INPP5D: variants seen among roughly 807,000 people sequenced by gnomAD.
INPP5D encodes phosphatidylinositol 3,4,5-trisphosphate 5-phosphatase 1.
A neutral mutation model predicts 122.9 loss-of-function variants in INPP5D; 33 were observed. The observed-to-expected ratio is 0.27, with a 90% CI of 0.20 to 0.36. The LOEUF is 0.36. Ranked by LOEUF, INPP5D falls within the 10% of genes least tolerant of loss-of-function variation. The pLI, the probability that INPP5D is intolerant of heterozygous loss-of-function variation, is 1.00. For missense variants in INPP5D, 1,053 were observed against 1,412.7 expected, an observed-to-expected ratio of 0.75 and a Z score of 4.08; for synonymous variants, 584 against 576.2, an observed-to-expected ratio of 1.01 and a Z score of -0.19.
At chr2:233,101,215 T>A (rs1291094935) in intron 2 of INPP5D, among the ~76,000 whole-genome samples, 1 of 152,178 alleles carries the variant, frequency 6.6e-6, no homozygotes. Flanking sequence ...AGTGTTTGCC[T>A]ATTTCTACCG....
chr2:233,104,230 T>C (rs971255970), intron 2 of INPP5D, among the ~76,000 whole-genome samples: 11 of 152,006 alleles, frequency 7.2e-5, no homozygotes, highest in Middle Eastern at 3.4e-3. Context: ...AGGCTGGTCT[T>C]GAACTCTTAA....
intron 13 of INPP5D, among the ~76,000 whole-genome samples, chr2:233,167,020 T>G (rs1185713593): frequency 6.6e-6 from 1 of 151,264 alleles, no homozygotes; most frequent in African/African-American, 2.4e-5. Flanking sequence ...ACCAAGGCCT[T>G]TCTAAGAGTG....
intron 2 of INPP5D, among the ~76,000 whole-genome samples, chr2:233,097,540 C>T (rs1324892028): frequency 6.6e-6 from 1 of 152,130 alleles, no homozygotes; most frequent in Non-Finnish European, 1.5e-5. Flanking sequence ...CTTAAACCTG[C>T]TCTGTTACTG....
chr2:233,206,968 G>A lies in INPP5D; in HGVS notation c.*260G>A, dbSNP rs1186807129. 6.2e-6 allele frequency: 3 copies of A among 481,082 alleles called. No individual in the cohort carries two copies. Among genetic ancestry groups the A allele is most frequent in the Non-Finnish European group, 1.1e-5 (3 of 266,514 alleles). The allele number at this position is 481,082 out of a possible 1,614,324, so 29.8% of individuals were successfully genotyped here. ...GGTCCCCAGCTCGCTCTTGGTACTT[G>A]GGACCCCAGTGCCTCGTTGAGGGCG... On this transcript the variant is annotated 3_prime_UTR_variant, in exon 27 of 27. Transcript: ENST00000445964. This position sits in a 1 kb window ranked among gnomAD's most constrained non-coding sequence, Gnocchi z 4.0.
intron 23 of INPP5D, 125 bp downstream of exon 23, chr2:233,194,086 G>A: frequency 7.2e-7 from 1 of 1,398,374 alleles, no homozygotes; most frequent in Non-Finnish European, 9.4e-7. Flanking sequence ...ATCCAGCACT[G>A]GAAAAGATCT....
At chr2:233,199,188 A>C (rs530146070) in intron 25 of INPP5D, among the ~76,000 whole-genome samples, 30 of 151,810 alleles carry the variant, frequency 2.0e-4, no homozygotes, top group Admixed American at 5.9e-4. Context: ...CAGTGAGCCA[A>C]GATTGCACCA....
chr2:233,184,357 T>C (rs1694855604), intron 19 of INPP5D, 51 bp from the exon 20 acceptor site: 4 of 1,598,680 alleles, frequency 2.5e-6, no homozygotes, highest in Non-Finnish European at 2.6e-6. Flanking sequence ...TTTGAAATGC[T>C]CCATCTCCAG....
At chr2:233,152,507 TAAAC>T (rs1401939357) in intron 9 of INPP5D, among the ~76,000 whole-genome samples, 1 of 151,798 alleles carries the variant, frequency 6.6e-6, no homozygotes, top group Non-Finnish European at 1.5e-5. Flanking sequence ...AAGGAGAAAA[TAAAC>T]AAACACACAA....
intron 2 of INPP5D, among the ~76,000 whole-genome samples, chr2:233,096,626 T>G (rs532988239): frequency 1.6e-3 from 243 of 152,340 alleles, no homozygotes; most frequent in African/African-American, 5.7e-3. Flanking sequence ...CACTCCAGCC[T>G]GGGTGACAGA....
At chr2:233,198,740 C>T (rs1182161500) in intron 25 of INPP5D, among the ~76,000 whole-genome samples, 2 of 139,620 alleles carry the variant, frequency 1.4e-5, no homozygotes, top group African/African-American at 5.4e-5. Context: ...CACCTGAGAT[C>T]GGGAGTTCGA....
chr2:233,120,966 G>GT (rs919317441), intron 2 of INPP5D, among the ~76,000 whole-genome samples: 11 of 151,654 alleles, frequency 7.3e-5, no homozygotes, highest in African/African-American at 9.7e-5. Context: ...TTTTTCCTGT[G>GT]TTTTTTTTAA....
chr2:233,084,908 C>A (rs1264383139), intron 2 of INPP5D, among the ~76,000 whole-genome samples: 1 of 152,200 alleles, frequency 6.6e-6, no homozygotes, highest in South Asian at 2.1e-4. Flanking sequence ...CTTCTAGAAG[C>A]CTGCATTTTG....
At chr2:233,131,205 T>G in intron 5 of INPP5D, 1 of 794,370 alleles carries the variant, frequency 1.3e-6, no homozygotes, top group South Asian at 5.8e-5. Flanking sequence ...TGGTTTTACA[T>G]TTTAAAATTT....
At chr2:233,174,400 C>T (rs557731574) in intron 17 of INPP5D, among the ~76,000 whole-genome samples, 79 of 152,338 alleles carry the variant, frequency 5.2e-4, no homozygotes, top group Middle Eastern at 6.8e-3. Context: ...TGTAGGACCT[C>T]TGTCCTATAT....
intron 20 of INPP5D, 133 bp from the exon 21 acceptor site, chr2:233,185,710 G>A (rs1481264974): frequency 8.1e-6 from 8 of 982,162 alleles, no homozygotes; most frequent in African/African-American, 4.4e-5. Flanking sequence ...CTGAGGCCCC[G>A]AGATAAAAAA....
chr2:233,137,348 AT>A (rs200789544), intron 5 of INPP5D, among the ~76,000 whole-genome samples: 76 of 151,976 alleles, frequency 5.0e-4, no homozygotes, highest in African/African-American at 1.6e-3. Flanking sequence ...TTTAAAAATC[AT>A]TTTTAAAAAA....
At chr2:233,140,220 A>G (rs2106273475) in intron 6 of INPP5D, 1 of 199,640 alleles carries the variant, frequency 5.0e-6, no homozygotes, top group African/African-American at 2.3e-5. Context: ...TGTTCCCATC[A>G]TTTCTTATCA....
Position 233,204,562 on chromosome 2 carries a change from A to T in INPP5D, c.3412A>T (p.Thr1138Ser). 6 of 1,569,636 alleles carry T rather than the reference A, an allele frequency of 3.8e-6. No homozygotes were observed. Among genetic ancestry groups the T allele is most frequent in the Non-Finnish European group, 5.2e-6 (6 of 1,159,036 alleles). ...CAACCAGCAGACCCCGCCCACCCCGACGCCGCGGCCGCCGCTGCCAGTCAA... is the reference window on the plus strand; with the variant it reads ...CAACCAGCAGACCCCGCCCACCCCGTCGCCGCGGCCGCCGCTGCCAGTCAA... ...EINQQTPPTPTPRPPLPVKSP... is the reference protein window; with the variant it reads ...EINQQTPPTPSPRPPLPVKSP... The change falls in exon 26 of 27, where the codon ACG becomes TCG. Residue 1138 changes from threonine (T) to serine (S), a missense_variant. Physicochemically the swap from Thr to Ser is moderately conservative, Grantham distance 58. Around this residue, in one of 6 missense-constraint regions of INPP5D, gnomAD observed 417 missense variants for 425.8 expected, o/e 0.98. Transcript: ENST00000445964.
rs1378546239 is a variant in INPP5D at position 233,154,225 on chromosome 2, A to G, written c.1031-4088A>G. On this transcript the variant is annotated intron_variant, in intron 9 of 26. Transcript: ENST00000445964. ...GTGCAATGGCGCGATCTCAGCTCGCAGCAACCTCCACCTCCTGGGTTCAGG... is the reference window on the plus strand; with the variant it reads ...GTGCAATGGCGCGATCTCAGCTCGCGGCAACCTCCACCTCCTGGGTTCAGG... Among the ~76,000 whole-genome samples the G allele has an allele frequency of 7.9e-5, 12 of 152,268 alleles. No individual in the cohort carries two copies. In the East Asian group the frequency reaches 2.3e-3, roughly 29 times the overall value.
Sources: gnomAD v4.1 joint callset for allele counts (sites outside exome capture counted in the v4.1 genomes callset) on GRCh38, gnomAD v4.1.1 for gene constraint, gnomAD v4.1.1 regional missense constraint, Gnocchi (gnomAD v3.1) non-coding constraint, MANE v1.5 for transcripts, NCBI Gene and HGNC (gene_info 2026-07-23, HGNC 2026-07-21) for gene names.